Variants in LTBP1 observed in about 807,000 individuals in gnomAD.
The protein encoded by LTBP1 is latent transforming growth factor beta binding protein 1.
LTBP1 carries 129 observed loss-of-function variants against 207.6 expected under a neutral mutation model. That is an observed-to-expected ratio of 0.62 (90% confidence interval 0.54 to 0.72). LTBP1 has a LOEUF of 0.72. Ranked by LOEUF, LTBP1 falls within the 30% of genes least tolerant of loss-of-function variation. The pLI is 0.00. For synonymous variants in LTBP1, 963 were observed against 833.7 expected, an observed-to-expected ratio of 1.16 and a Z score of -2.67; for missense variants, 2,281 against 2,217.2, an observed-to-expected ratio of 1.03 and a Z score of -0.58.
rs566217300 is a variant in LTBP1, at chr2:33,332,563, A to AT, written c.3731-10263dup. 2.2e-3 allele frequency among the ~76,000 whole-genome samples: 326 copies of AT among 146,372 alleles called. 2 individuals are homozygous for AT. The highest frequency in any genetic ancestry group is 0.018 in the Middle Eastern group (5 of 278). ...TGAAATTATATACTTTATTTATTTA[A>AT]TTTTTTTTTTTTATATGGAGTCTTG... On this transcript the variant is annotated intron_variant, in intron 24 of 33. Transcript: ENST00000404816.
chr2:33,135,866 G>A (rs939054602), intron 5 of LTBP1, among the ~76,000 whole-genome samples: 1 of 152,146 alleles, frequency 6.6e-6, no homozygotes, highest in African/African-American at 2.4e-5. Context: ...GTTACTTTCT[G>A]AGTTACTCAC....
chr2:33,288,436 A>G (rs911329419), intron 19 of LTBP1, among the ~76,000 whole-genome samples: 2 of 152,218 alleles, frequency 1.3e-5, no homozygotes, highest in South Asian at 4.1e-4. Context: ...TTACACCCCA[A>G]GGCAACGAGA....
intron 3 of LTBP1, among the ~76,000 whole-genome samples, chr2:33,037,551 A>G (rs219212): frequency 0.44 from 66,221 of 152,028 alleles, 15,949 homozygotes; most frequent in East Asian, 0.69. Flanking sequence ...TTAAATATAC[A>G]TTGTGTATCT....
chr2:33,337,923 C>T (rs574680844), intron 24 of LTBP1, among the ~76,000 whole-genome samples: 132 of 152,254 alleles, frequency 8.7e-4, no homozygotes, highest in African/African-American at 3.0e-3. Flanking sequence ...TAGAATTACT[C>T]GTATTTGTAG....
intron 2 of LTBP1, among the ~76,000 whole-genome samples, chr2:32,952,406 G>C (rs919649334): frequency 6.6e-6 from 1 of 152,152 alleles, no homozygotes; most frequent in African/African-American, 2.4e-5. Flanking sequence ...GACACCATTT[G>C]TATGTGGATC....
At chr2:33,377,026 A>G (rs1254925479) in intron 31 of LTBP1, among the ~76,000 whole-genome samples, 1 of 152,224 alleles carries the variant, frequency 6.6e-6, no homozygotes, top group Admixed American at 6.5e-5. Flanking sequence ...GCCACATTCC[A>G]GTTATGATCC....
Position 33,167,361 on chromosome 2 carries a change from C to CA in LTBP1, c.1202-19480dup, listed in dbSNP as rs80088509. 4.9e-3 allele frequency among the ~76,000 whole-genome samples: 556 copies of CA among 112,710 alleles called. 3 individuals carry two copies. Among genetic ancestry groups the CA allele is most frequent in the South Asian group, 7.7e-3 (26 of 3,374 alleles). The allele number at this position is 112,710 out of a possible 152,430, so 73.9% of individuals were successfully genotyped here. On this transcript the variant is annotated intron_variant, in intron 5 of 33. Coordinates refer to ENST00000404816, the MANE Select transcript of LTBP1 (RefSeq NM_206943.4). The stretch of plus-strand genomic sequence containing the variant: ...TTCATAAAAGCCTCATTTGTACATT[C>CA]AAAAAAAAAAAAAAACCAAACATAT...
intron 31 of LTBP1, among the ~76,000 whole-genome samples, chr2:33,368,766 A>G (rs1003270871): frequency 3.3e-5 from 5 of 152,174 alleles, no homozygotes; most frequent in Non-Finnish European, 7.3e-5. Flanking sequence ...AGTCCTAGCT[A>G]CTTGGGAGGT....
At chr2:32,986,792 C>A (rs535314185) in intron 2 of LTBP1, among the ~76,000 whole-genome samples, 2 of 152,326 alleles carry the variant, frequency 1.3e-5, no homozygotes, top group African/African-American at 4.8e-5. Flanking sequence ...CAAAATGACA[C>A]CAACAACTCC....
At position 33,068,809 on chromosome 2, in the gene LTBP1, A is replaced by G. The variant is rs144652655; in HGVS notation, c.864-41773A>G. 3.0e-3 allele frequency among the ~76,000 whole-genome samples: 461 copies of G among 152,328 alleles called. 1 individual carries two copies. Among genetic ancestry groups the G allele is most frequent in the Non-Finnish European group, 5.2e-3 (352 of 68,024 alleles). Reference sequence around the variant, plus strand: ...TAATATTATGTTTTGAATTTTGTCAATGAAAAATGTGTGTGAAATTGTTTT... The same window carrying G: ...TAATATTATGTTTTGAATTTTGTCAGTGAAAAATGTGTGTGAAATTGTTTT... On this transcript the variant is annotated intron_variant, in intron 3 of 33. Coordinates refer to ENST00000404816, the MANE Select transcript of LTBP1 (RefSeq NM_206943.4).
intron 26 of LTBP1, among the ~76,000 whole-genome samples, chr2:33,351,784 C>T (rs2094785139): frequency 6.6e-6 from 1 of 152,200 alleles, no homozygotes; most frequent in South Asian, 2.1e-4. Flanking sequence ...TTACTGTTCC[C>T]TGCATCCTCC....
intron 5 of LTBP1, among the ~76,000 whole-genome samples, chr2:33,183,741 T>C (rs1221428873): frequency 6.6e-6 from 1 of 152,218 alleles, no homozygotes; most frequent in Admixed American, 6.5e-5. Context: ...GTAGCCAAAC[T>C]GTGGTGCAGA....
intron 5 of LTBP1, among the ~76,000 whole-genome samples, chr2:33,135,217 A>G (rs1288344538): frequency 6.6e-6 from 1 of 152,212 alleles, no homozygotes; most frequent in Non-Finnish European, 1.5e-5. Context: ...GGTAATGGGA[A>G]TATATATAGT....
At chr2:33,289,751 T>C (rs1037911137) in intron 19 of LTBP1, among the ~76,000 whole-genome samples, 13 of 152,214 alleles carry the variant, frequency 8.5e-5, no homozygotes, top group African/African-American at 2.4e-4. Flanking sequence ...ATTATGTATA[T>C]GCACTGGAAG....
At chr2:33,255,017 G>A (rs1055471905) in intron 11 of LTBP1, among the ~76,000 whole-genome samples, 3 of 143,192 alleles carry the variant, frequency 2.1e-5, no homozygotes, top group Non-Finnish European at 3.0e-5. Context: ...ATGCTGGTGC[G>A]CTGCACCCAC....
At chr2:33,223,994 A>C (rs927482941) in intron 9 of LTBP1, among the ~76,000 whole-genome samples, 5 of 152,202 alleles carry the variant, frequency 3.3e-5, no homozygotes, top group Admixed American at 6.6e-5. Context: ...GCTAAAACTT[A>C]TGTGAAAGGC....
chr2:32,981,551 C>G (rs1682764817), intron 2 of LTBP1, among the ~76,000 whole-genome samples: 1 of 152,170 alleles, frequency 6.6e-6, no homozygotes, highest in African/African-American at 2.4e-5. Flanking sequence ...AAGCTCCTTA[C>G]ATGCAGGACT....
chr2:33,256,386 G>A (rs920894446), intron 11 of LTBP1, among the ~76,000 whole-genome samples: 1 of 151,868 alleles, frequency 6.6e-6, no homozygotes, highest in African/African-American at 2.4e-5. Context: ...CTCTTAACCA[G>A]CTGATACATG....
intron 3 of LTBP1, among the ~76,000 whole-genome samples, chr2:33,090,759 C>T (rs149372308): frequency 1.1e-4 from 17 of 152,206 alleles, no homozygotes; most frequent in African/African-American, 3.9e-4. Context: ...AGAATTCTGA[C>T]CTTAACTCTA....
Sources: gnomAD v4.1 joint callset for allele counts (sites outside exome capture counted in the v4.1 genomes callset) on GRCh38, gnomAD v4.1.1 for gene constraint, MANE v1.5 for transcripts, NCBI Gene and HGNC (gene_info 2026-07-23, HGNC 2026-07-21) for gene names.